The following NRG1 variants were observed in gnomAD, a reference collection of about 807,000 sequenced individuals.
NRG1 encodes the protein neuregulin 1.
Under a neutral mutation model 63.8 loss-of-function variants are expected in NRG1, and 18 were observed. That is an observed-to-expected ratio of 0.28 (90% CI 0.19 to 0.42). The LOEUF (loss-of-function observed/expected upper bound fraction) is 0.42. NRG1 is among the 10% of genes least tolerant of loss of function. The pLI, the probability that NRG1 is intolerant of heterozygous loss-of-function variation, is 1.00. For missense variants in NRG1, 762 were observed against 814.7 expected, an observed-to-expected ratio of 0.94 and a Z score of 0.79; for synonymous variants, 302 against 301.3, an observed-to-expected ratio of 1.00 and a Z score of -0.02.
chr8:32,445,419 A>G (rs1447218495), intron 1 of NRG1, among the ~76,000 whole-genome samples: 1 of 152,168 alleles, frequency 6.6e-6, no homozygotes, highest in Non-Finnish European at 1.5e-5. Context: ...TAAGCACACT[A>G]TCTGTCCACA....
intron 1 of NRG1, among the ~76,000 whole-genome samples, chr8:32,227,188 A>G (rs948419948): frequency 2.7e-4 from 41 of 152,196 alleles, no homozygotes; most frequent in African/African-American, 9.7e-4. Context: ...GCTTTCTTCT[A>G]AGAGCCAGGT....
chr8:32,341,378 G>A (rs1043778821), intron 1 of NRG1, among the ~76,000 whole-genome samples: 9 of 152,202 alleles, frequency 5.9e-5, no homozygotes, highest in African/African-American at 2.2e-4. Flanking sequence ...TTTCCACTCG[G>A]GCAAAGTGAA....
intron 1 of NRG1, among the ~76,000 whole-genome samples, chr8:32,244,963 A>G (rs1332524114): frequency 6.6e-6 from 1 of 152,204 alleles, no homozygotes; most frequent in Non-Finnish European, 1.5e-5. Flanking sequence ...AAAATCTTTC[A>G]GTTACACAGT....
rs867329915 is a variant in NRG1 at position 31,879,732 on chromosome 8, T to C, written c.37+240301T>C. Among the ~76,000 whole-genome samples, 77 of 152,288 alleles carry C rather than the reference T, an allele frequency of 5.1e-4. 1 individual carries two copies. Among genetic ancestry groups the C allele is most frequent in the African/African-American group, 1.6e-3 (67 of 41,572 alleles). On this transcript the variant is annotated intron_variant, in intron 1 of 10. Transcript: ENST00000519301. Reference sequence around the variant, plus strand: ...CCTACCCTCCACCCTCAAGTAGACCTGAGTGTCTGTTGTTTCCTTCTTTGT... The same window carrying C: ...CCTACCCTCCACCCTCAAGTAGACCCGAGTGTCTGTTGTTTCCTTCTTTGT...
chr8:32,748,146 T>G (rs988780060), intron 7 of NRG1, among the ~76,000 whole-genome samples: 3 of 152,054 alleles, frequency 2.0e-5, no homozygotes. Flanking sequence ...CAAATGCAAG[T>G]TTTTGTAAGA....
At chr8:32,690,724 T>G (rs1454728153) in intron 5 of NRG1, among the ~76,000 whole-genome samples, 6 of 152,150 alleles carry the variant, frequency 3.9e-5, no homozygotes, top group Non-Finnish European at 7.4e-5. Flanking sequence ...ATAGTTTTTT[T>G]TTTTCTTTTG....
intron 1 of NRG1, among the ~76,000 whole-genome samples, chr8:32,447,867 C>A (rs1025825397): frequency 1.3e-5 from 2 of 149,636 alleles, no homozygotes; most frequent in African/African-American, 4.9e-5. Flanking sequence ...AAAAAAAATA[C>A]GTAAAGCAAC....
intron 1 of NRG1, among the ~76,000 whole-genome samples, chr8:31,944,090 A>G (rs1012139931): frequency 1.3e-5 from 2 of 152,214 alleles, no homozygotes; most frequent in Admixed American, 1.3e-4. Context: ...TTAGCACTAC[A>G]TAGAATGACA....
Position 32,574,923 on chromosome 8 carries a change from T to C in NRG1, c.101-20905T>C, listed in dbSNP as rs192802300. ...AGAATTTCTGAACCTTCAATCCTGT[T>C]CAGAATGCCAGATTGTGAGAGAATC... On this transcript the variant is annotated intron_variant, in intron 1 of 11. Transcript: ENST00000356819. 1.1e-3 allele frequency among the ~76,000 whole-genome samples: 160 copies of C among 152,328 alleles called. 1 individual carries two copies. The highest frequency in any genetic ancestry group is 3.7e-3 in the African/African-American group (154 of 41,566).
intron 1 of NRG1, among the ~76,000 whole-genome samples, chr8:32,027,732 C>G (rs1817681846): frequency 6.6e-6 from 1 of 152,120 alleles, no homozygotes; most frequent in Non-Finnish European, 1.5e-5. Context: ...GTCTTAGATA[C>G]TCTGCAGCCT....
At chr8:32,660,414 C>G (rs371258493) in intron 5 of NRG1, among the ~76,000 whole-genome samples, 14 of 152,052 alleles carry the variant, frequency 9.2e-5, no homozygotes, top group Non-Finnish European at 1.6e-4. Context: ...AATCTGAAAC[C>G]GGGTCTTAAA....
In NRG1 at chr8:31,640,219, GC is replaced by G; in HGVS notation, c.37+790del. The G allele has an allele frequency of 8.6e-7, 1 of 1,165,090 alleles. No homozygotes were observed. 72.2% of individuals were successfully genotyped at this position (1,165,090 alleles called of 1,614,324 possible). On this transcript the variant is annotated intron_variant, in intron 1 of 10. Coordinates refer to the NRG1 transcript ENST00000519301. This position sits in a 1 kb window ranked among gnomAD's most constrained non-coding sequence, Gnocchi z 6.3. Reference sequence around the variant, plus strand: ...ATCGGTGCAGGAGCTAGCTCAGCGCGCCGCGGTGGTGATCGAGGGAAAGGTG... The same window carrying G: ...ATCGGTGCAGGAGCTAGCTCAGCGCGCGCGGTGGTGATCGAGGGAAAGGTG...
intron 5 of NRG1, among the ~76,000 whole-genome samples, chr8:32,688,425 A>G (rs1405357501): frequency 6.6e-6 from 1 of 152,152 alleles, no homozygotes; most frequent in African/African-American, 2.4e-5. Context: ...AGCTTTTTAA[A>G]ATGGTTATCT....
chr8:31,832,183 A>G (rs1326295902), intron 1 of NRG1, among the ~76,000 whole-genome samples: 2 of 152,074 alleles, frequency 1.3e-5, no homozygotes, highest in South Asian at 2.1e-4. Flanking sequence ...GCATTTTTAA[A>G]TGAGATTTTG....
chr8:32,379,966 T>A (rs1202473868), intron 1 of NRG1, among the ~76,000 whole-genome samples: 3 of 152,332 alleles, frequency 2.0e-5, no homozygotes, highest in East Asian at 3.9e-4. Context: ...AAAAAGAAGA[T>A]GAAACAAAAC....
chr8:31,797,285 T>G (rs927075010), intron 1 of NRG1, among the ~76,000 whole-genome samples: 5 of 152,248 alleles, frequency 3.3e-5, no homozygotes, highest in African/African-American at 1.2e-4. Flanking sequence ...CTTACTCTAC[T>G]TTTGGTCATG....
chr8:32,172,579 G>C (rs564635894), intron 1 of NRG1, among the ~76,000 whole-genome samples: 4 of 152,218 alleles, frequency 2.6e-5, no homozygotes, highest in African/African-American at 7.2e-5. Flanking sequence ...TGGCAAAGAA[G>C]TTAAAAACCT....
intron 1 of NRG1, among the ~76,000 whole-genome samples, chr8:32,179,471 G>T (rs1458809240): frequency 1.3e-5 from 2 of 152,178 alleles, no homozygotes; most frequent in African/African-American, 4.8e-5. Flanking sequence ...AAAGTGAGAA[G>T]CTTCTTTTTG....
rs778845465 is a variant in NRG1, at chr8:31,640,665, C to T, written c.37+1234C>T. 3.7e-6 allele frequency: 6 copies of T among 1,607,892 alleles called. No individual in the cohort carries two copies. The highest frequency in any genetic ancestry group is 1.1e-5 in the South Asian group (1 of 90,388). Reference sequence around the variant, plus strand: ...CGCCGGCCGCCTTCCGAGCCTCTTTCCCCCCTCTGGAGACGGGCCGGAACC... The same window carrying T: ...CGCCGGCCGCCTTCCGAGCCTCTTTTCCCCCTCTGGAGACGGGCCGGAACC... On this transcript the variant is annotated intron_variant, in intron 1 of 10. Coordinates refer to the NRG1 transcript ENST00000519301. This position sits in a 1 kb window ranked among gnomAD's most constrained non-coding sequence, Gnocchi z 6.3.
Sources: allele counts gnomAD v4.1 joint callset (sites outside exome capture counted in the v4.1 genomes callset), GRCh38; gene constraint gnomAD v4.1.1; non-coding constraint Gnocchi (gnomAD v3.1); transcripts MANE v1.5; gene names NCBI Gene and HGNC (gene_info 2026-07-23, HGNC 2026-07-21).